Variants in HCK observed in about 807,000 individuals in gnomAD.
HCK encodes the protein HCK proto-oncogene, Src family tyrosine kinase.
In HCK, 40 loss-of-function variants were observed where a neutral mutation model predicts 70.4. That is an observed-to-expected ratio of 0.57 (90% CI 0.44 to 0.74). HCK has a LOEUF of 0.74. Among genes scored for constraint, HCK ranks in the 30% least tolerant of loss-of-function variants. The probability of loss-of-function intolerance (pLI) is 0.00; values close to 1 mark genes in which losing one functional copy is unlikely to be tolerated. For missense variants in HCK, 568 were observed against 697.2 expected (o/e 0.81, Z 2.09); for synonymous variants, 245 against 263.2 (o/e 0.93, Z 0.67).
chr20:32,096,499 C>CAA (rs55905450), intron 11 of HCK, among the ~76,000 whole-genome samples: 11 of 92,422 alleles, frequency 1.2e-4, no homozygotes, highest in South Asian at 7.4e-4. Context: ...GACTCCGTCT[C>CAA]AAAAAAAAAA....
At chr20:32,076,241 A>G (rs1285073440) in intron 5 of HCK, among the ~76,000 whole-genome samples, 1 of 152,126 alleles carries the variant, frequency 6.6e-6, no homozygotes, top group Non-Finnish European at 1.5e-5. Context: ...CAGGAGAATC[A>G]CTTGACTCCA....
At chr20:32,083,861 C>T (rs755445120) in intron 6 of HCK, 33 bp from the exon 7 acceptor site, 2 of 1,613,352 alleles carry the variant, frequency 1.2e-6, no homozygotes, top group South Asian at 1.1e-5. Context: ...CTCCAAGATG[C>T]CATTCTGAGG....
intron 1 of HCK, among the ~76,000 whole-genome samples, 174 bp downstream of exon 1, chr20:32,052,660 T>A (rs1285584476): frequency 1.3e-5 from 2 of 148,172 alleles, no homozygotes; most frequent in African/African-American, 5.1e-5. Flanking sequence ...CGACAGCGAG[T>A]GGAGGGTGCC....
At position 32,071,135 on chromosome 20, in the gene HCK, G is replaced by A. The variant is rs867218199; in HGVS notation, c.63-527G>A. On this transcript the variant is annotated intron_variant, in intron 1 of 12. Coordinates refer to ENST00000375852, the MANE Select transcript of HCK (RefSeq NM_002110.5). ...CAATTTATCATCTGATAATACTGCA[G>A]TTTTTCTGTAGTGTTTGCTCTGAGC... Among the ~76,000 whole-genome samples, 7 of 152,326 alleles carry A rather than the reference G, an allele frequency of 4.6e-5. 1 individual carries two copies. The Middle Eastern group carries it at 0.017, about 370-fold the overall frequency.
chr20:32,098,286 C>A (rs2045984233), intron 11 of HCK, among the ~76,000 whole-genome samples: 1 of 152,076 alleles, frequency 6.6e-6, no homozygotes, highest in Non-Finnish European at 1.5e-5. Flanking sequence ...CCTCCTTGGT[C>A]TCCCAAAGTG....
intron 11 of HCK, among the ~76,000 whole-genome samples, chr20:32,094,415 C>T (rs889252010): frequency 3.9e-5 from 6 of 152,098 alleles, no homozygotes; most frequent in Non-Finnish European, 8.8e-5. Flanking sequence ...CTCAGTGGCT[C>T]ACGCCTGTAA....
intron 1 of HCK, among the ~76,000 whole-genome samples, chr20:32,063,989 CTTCTTTTTTTT>C (rs2045418400): frequency 2.6e-5 from 3 of 116,064 alleles, no homozygotes; most frequent in Non-Finnish European, 5.1e-5. Context: ...CCCATCTCTA[CTTCTTTTTTTT>C]TTTTTTTTTT....
intron 5 of HCK, 35 bp from the exon 6 acceptor site, chr20:32,079,739 C>A: frequency 1.4e-6 from 2 of 1,467,604 alleles, no homozygotes; most frequent in South Asian, 1.2e-5. Context: ...CTGCATGACC[C>A]CAGGTTCACA....
intron 6 of HCK, among the ~76,000 whole-genome samples, chr20:32,082,803 C>T (rs1246873673): frequency 6.6e-6 from 1 of 152,072 alleles, no homozygotes; most frequent in Non-Finnish European, 1.5e-5. Flanking sequence ...TGTGTTTCTG[C>T]TCTATGTGAT....
At chr20:32,090,506 G>A (rs1185297296) in intron 10 of HCK, among the ~76,000 whole-genome samples, 1 of 152,216 alleles carries the variant, frequency 6.6e-6, no homozygotes, top group Non-Finnish European at 1.5e-5. Context: ...AAACAGAGCT[G>A]CTCTGACTGA....
Position 32,066,331 on chromosome 20 carries a change from T to TTTTGA in HCK, c.63-5331_63-5330insTTTGA, listed in dbSNP as rs60044994. On this transcript the variant is annotated intron_variant, in intron 1 of 12. Coordinates refer to ENST00000375852, the MANE Select transcript of HCK (RefSeq NM_002110.5). Reference sequence around the variant, plus strand: ...TTTTTTTTTTTTTTTTTTTTTTTTTTGACAGAGTCTTGCTCTGTTTCCCAG... The same window carrying TTTTGA: ...TTTTTTTTTTTTTTTTTTTTTTTTTTTTTGAGACAGAGTCTTGCTCTGTTTCCCAG... Among the ~76,000 whole-genome samples the TTTTGA allele has an allele frequency of 7.3e-5, 6 of 81,878 alleles. 1 individual carries two copies. The highest frequency in any genetic ancestry group is 1.2e-4 in the Non-Finnish European group (5 of 42,826). The allele number at this position is 81,878 out of a possible 152,430, so 53.7% of individuals were successfully genotyped here.
intron 1 of HCK, chr20:32,069,830 T>C (rs2045512529): frequency 9.5e-7 from 1 of 1,053,930 alleles, no homozygotes; most frequent in Non-Finnish European, 1.3e-6. Flanking sequence ...GGGGTTTTTT[T>C]CCTTAAACCA....
At chr20:32,066,729 T>C (rs1195977951) in intron 1 of HCK, among the ~76,000 whole-genome samples, 2 of 152,190 alleles carry the variant, frequency 1.3e-5, no homozygotes, top group Non-Finnish European at 2.9e-5. Flanking sequence ...TATGGTGATG[T>C]TGTACAAGTT....
At chr20:32,088,935 G>A (rs1396566640) in intron 10 of HCK, among the ~76,000 whole-genome samples, 1 of 152,192 alleles carries the variant, frequency 6.6e-6, no homozygotes, top group Non-Finnish European at 1.5e-5. Flanking sequence ...TCATGATCCT[G>A]TGGGTTGCCT....
intron 1 of HCK, among the ~76,000 whole-genome samples, chr20:32,065,046 C>T (rs2045436568): frequency 1.3e-5 from 2 of 152,230 alleles, no homozygotes; most frequent in South Asian, 4.1e-4. Flanking sequence ...CACATAGGAC[C>T]TCAGGCCAAG....
intron 11 of HCK, among the ~76,000 whole-genome samples, chr20:32,094,575 C>T (rs2045908007): frequency 6.6e-6 from 1 of 151,660 alleles, no homozygotes; most frequent in Non-Finnish European, 1.5e-5. Context: ...GTAGTTGTGG[C>T]TACTCAGGAG....
At chr20:32,053,497 G>T (rs2045213743) in intron 1 of HCK, among the ~76,000 whole-genome samples, 2 of 151,844 alleles carry the variant, frequency 1.3e-5, no homozygotes, top group Admixed American at 6.6e-5. Flanking sequence ...AATTAGCCGG[G>T]CGTAGTAGCA....
chr20:32,061,925 A>ATC (rs2045383528), intron 1 of HCK, among the ~76,000 whole-genome samples: 1 of 145,074 alleles, frequency 6.9e-6, no homozygotes, highest in Admixed American at 6.9e-5. Context: ...AAGGAATGCG[A>ATC]TCTGACTTAC....
chr20:32,056,037 A>G (rs907679902), intron 1 of HCK, among the ~76,000 whole-genome samples: 1 of 152,232 alleles, frequency 6.6e-6, no homozygotes, highest in Non-Finnish European at 1.5e-5. Flanking sequence ...ATTCCATTGT[A>G]TGGATATTCC....
Sources: gnomAD v4.1 joint callset for allele counts (sites outside exome capture counted in the v4.1 genomes callset) on GRCh38, gnomAD v4.1.1 for gene constraint, MANE v1.5 for transcripts, NCBI Gene and HGNC (gene_info 2026-07-23, HGNC 2026-07-21) for gene names.